C8orf34: variants seen among roughly 807,000 people sequenced by gnomAD.
C8orf34 encodes uncharacterized protein C8orf34.
Under a neutral mutation model 68.3 loss-of-function variants are expected in C8orf34, and 65 were observed. The observed-to-expected ratio is 0.95, with a 90% CI of 0.78 to 1.17. C8orf34 has a LOEUF of 1.17. Among genes scored for constraint, C8orf34 ranks in the 50% most tolerant of loss-of-function variants. The pLI is 0.00. For missense variants in C8orf34, 664 were observed against 655.4 expected (o/e 1.01, Z -0.14); for synonymous variants, 244 against 241.2 (o/e 1.01, Z -0.11).
intron 1 of C8orf34, among the ~76,000 whole-genome samples, chr8:68,410,731 CT>C (rs1054854623): frequency 2.6e-5 from 4 of 152,176 alleles, no homozygotes; most frequent in Admixed American, 1.3e-4. Context: ...TTTACTGCTT[CT>C]TGGAGTTCAA....
At chr8:68,491,134 C>A (rs183799522) in intron 5 of C8orf34, among the ~76,000 whole-genome samples, 63 of 152,008 alleles carry the variant, frequency 4.1e-4, no homozygotes, top group Middle Eastern at 3.4e-3. Flanking sequence ...GAAATCATTT[C>A]TTCATGGCCT....
intron 5 of C8orf34, among the ~76,000 whole-genome samples, chr8:68,505,533 C>T (rs2129632903): frequency 7.3e-6 from 1 of 136,140 alleles, no homozygotes; most frequent in Non-Finnish European, 1.5e-5. Flanking sequence ...AGATCGAGAC[C>T]ATCCTGGCTA....
At chr8:68,673,761 A>G (rs1198813265) in intron 8 of C8orf34, among the ~76,000 whole-genome samples, 2 of 152,132 alleles carry the variant, frequency 1.3e-5, no homozygotes, top group Non-Finnish European at 2.9e-5. Context: ...TCTGTTGATT[A>G]TAGAGCCCCA....
intron 4 of C8orf34, among the ~76,000 whole-genome samples, chr8:68,476,708 C>T (rs191908244): frequency 6.6e-6 from 1 of 152,134 alleles, no homozygotes; most frequent in Non-Finnish European, 1.5e-5. Context: ...CAGTTGAGTA[C>T]ATGCACAATG....
At chr8:68,656,717 G>A (rs978114308) in intron 8 of C8orf34, among the ~76,000 whole-genome samples, 1 of 152,026 alleles carries the variant, frequency 6.6e-6, no homozygotes, top group Non-Finnish European at 1.5e-5. Context: ...CTCTCACAAT[G>A]CCTATCCCCT....
chr8:68,713,480 C>T (rs1821383479), intron 9 of C8orf34, among the ~76,000 whole-genome samples: 1 of 151,998 alleles, frequency 6.6e-6, no homozygotes, highest in African/African-American at 2.4e-5. Flanking sequence ...GATGTTACTG[C>T]TGATACCACA....
intron 8 of C8orf34, among the ~76,000 whole-genome samples, chr8:68,643,112 G>A (rs1819062060): frequency 6.6e-6 from 1 of 152,150 alleles, no homozygotes; most frequent in Admixed American, 6.5e-5. Flanking sequence ...TTCTTGAACA[G>A]GTGATCTGCA....
intron 3 of C8orf34, among the ~76,000 whole-genome samples, chr8:68,449,579 AT>A (rs36063723): frequency 1.3e-5 from 2 of 151,842 alleles, no homozygotes; most frequent in Admixed American, 6.6e-5. Flanking sequence ...CAGTCGCACA[AT>A]TTTTTTTGTT....
intron 10 of C8orf34, among the ~76,000 whole-genome samples, chr8:68,735,905 G>C (rs1035379404): frequency 1.3e-5 from 2 of 152,044 alleles, no homozygotes; most frequent in African/African-American, 2.4e-5. Flanking sequence ...TGTCTTTGAA[G>C]GCTGATTCTA....
chr8:68,725,241 C>T (rs1821796113), intron 10 of C8orf34, among the ~76,000 whole-genome samples: 1 of 152,052 alleles, frequency 6.6e-6, no homozygotes, highest in Non-Finnish European at 1.5e-5. Flanking sequence ...TTAAGAAAGA[C>T]CATTGATAGT....
intron 9 of C8orf34, among the ~76,000 whole-genome samples, chr8:68,719,876 A>T (rs1193351150): frequency 6.6e-6 from 1 of 151,972 alleles, no homozygotes. Context: ...AAAACAAGAA[A>T]CATACTGAGT....
At chr8:68,816,148 G>C in intron 13 of C8orf34, among the ~76,000 whole-genome samples, 1 of 150,996 alleles carries the variant, frequency 6.6e-6, no homozygotes. Context: ...CTGTGTGTGT[G>C]TGTGTGTGTG....
chr8:68,693,189 A>C (rs749384479), intron 8 of C8orf34, among the ~76,000 whole-genome samples: 9 of 152,072 alleles, frequency 5.9e-5, no homozygotes, highest in Admixed American at 2.0e-4. Flanking sequence ...TGTTTTGAAG[A>C]CGCATCAGTC....
At chr8:68,484,937 GATA>G (rs1414492599) in intron 4 of C8orf34, among the ~76,000 whole-genome samples, 2 of 152,198 alleles carry the variant, frequency 1.3e-5, no homozygotes, top group African/African-American at 4.8e-5. Context: ...AAGAAAATAT[GATA>G]ATAAGTATTT....
At chr8:68,431,794 G>T (rs1443975691) in intron 1 of C8orf34, among the ~76,000 whole-genome samples, 1 of 152,164 alleles carries the variant, frequency 6.6e-6, no homozygotes, top group Non-Finnish European at 1.5e-5. Flanking sequence ...AAAGTAGAGA[G>T]AATTCAGTGT....
intron 8 of C8orf34, among the ~76,000 whole-genome samples, chr8:68,653,167 G>A (rs777271587): frequency 1.1e-4 from 16 of 152,200 alleles, no homozygotes; most frequent in African/African-American, 2.6e-4. Context: ...ATTTAAAACC[G>A]CAGTAAACTT....
intron 10 of C8orf34, among the ~76,000 whole-genome samples, chr8:68,767,116 C>A (rs967755551): frequency 1.3e-5 from 2 of 152,074 alleles, no homozygotes; most frequent in Admixed American, 6.6e-5. Context: ...ATCAATTGAA[C>A]CTGGGAAGCG....
intron 1 of C8orf34, among the ~76,000 whole-genome samples, chr8:68,436,031 A>T (rs1336410451): frequency 2.6e-5 from 4 of 152,072 alleles, no homozygotes; most frequent in African/African-American, 7.2e-5. Context: ...AACATGGAAA[A>T]CCCTATCTCT....
chr8:68,534,251 G>A (rs1351645588), intron 7 of C8orf34: 21 of 985,178 alleles, frequency 2.1e-5, no homozygotes, highest in South Asian at 4.7e-5. Context: ...GTATCATGGC[G>A]TTTTCATTAC....
Sources: allele counts gnomAD v4.1 joint callset (sites outside exome capture counted in the v4.1 genomes callset), GRCh38; gene constraint gnomAD v4.1.1; transcripts MANE v1.5; gene names NCBI Gene and HGNC (gene_info 2026-07-23, HGNC 2026-07-21).